The following MTUS2 variants were observed in gnomAD, a reference collection of about 807,000 sequenced individuals.
MTUS2 encodes microtubule associated scaffold protein 2, also known as microtubule-associated tumor suppressor candidate 2.
In MTUS2, 40 loss-of-function variants were observed where a neutral mutation model predicts 114.1. That is an observed-to-expected ratio of 0.35 (90% CI 0.27 to 0.46). MTUS2 has a LOEUF of 0.46. MTUS2 is among the 20% of genes least tolerant of loss of function. The pLI is 1.00. For synonymous variants in MTUS2, 688 were observed against 672.0 expected, an observed-to-expected ratio of 1.02 and a Z score of -0.37; for missense variants, 1,679 against 1,705.4, an observed-to-expected ratio of 0.98 and a Z score of 0.27.
At chr13:29,267,807 A>G (rs1897723393) in intron 5 of MTUS2, among the ~76,000 whole-genome samples, 1 of 152,144 alleles carries the variant, frequency 6.6e-6, no homozygotes, top group African/African-American at 2.4e-5. Context: ...GTGGGGAGAA[A>G]GGACATCCAG....
At chr13:29,054,824 C>T (rs1485354503) in intron 4 of MTUS2, among the ~76,000 whole-genome samples, 5 of 152,052 alleles carry the variant, frequency 3.3e-5, no homozygotes, top group Non-Finnish European at 1.5e-5. Flanking sequence ...TCTCTCATGA[C>T]ATATTTGGCC....
At chr13:29,373,034 A>G (rs560362691) in intron 8 of MTUS2, among the ~76,000 whole-genome samples, 17 of 152,354 alleles carry the variant, frequency 1.1e-4, no homozygotes, top group Non-Finnish European at 2.1e-4. Context: ...TCTTTCCAGT[A>G]TTCTCTGACT....
chr13:29,120,038 A>G (rs1891241907), intron 5 of MTUS2, among the ~76,000 whole-genome samples: 1 of 152,198 alleles, frequency 6.6e-6, no homozygotes, highest in Non-Finnish European at 1.5e-5. Flanking sequence ...AATATCCAAC[A>G]AACTTATGAT....
intron 2 of MTUS2, among the ~76,000 whole-genome samples, chr13:28,888,688 C>A (rs1398042666): frequency 6.6e-6 from 1 of 152,100 alleles, no homozygotes; most frequent in Non-Finnish European, 1.5e-5. Flanking sequence ...TCCCAAAGTG[C>A]TGGGATTACA....
chr13:29,144,776 C>T (rs1892363116), intron 5 of MTUS2, among the ~76,000 whole-genome samples: 1 of 152,066 alleles, frequency 6.6e-6, no homozygotes, highest in Non-Finnish European at 1.5e-5. Context: ...AGTGATAGCC[C>T]ATCATCTTTG....
At chr13:29,210,489 T>C (rs971645622) in intron 5 of MTUS2, among the ~76,000 whole-genome samples, 1 of 152,022 alleles carries the variant, frequency 6.6e-6, no homozygotes, top group African/African-American at 2.4e-5. Flanking sequence ...CTTTTGGGAG[T>C]GTTAAAAAAT....
intron 4 of MTUS2, among the ~76,000 whole-genome samples, chr13:29,066,684 C>G (rs1888680916): frequency 6.6e-6 from 1 of 152,210 alleles, no homozygotes; most frequent in African/African-American, 2.4e-5. Context: ...CAGTGATTTT[C>G]TGAGGACCTA....
At chr13:28,896,939 C>T (rs1290986251) in intron 2 of MTUS2, among the ~76,000 whole-genome samples, 1 of 152,086 alleles carries the variant, frequency 6.6e-6, no homozygotes, top group Non-Finnish European at 1.5e-5. Context: ...GACCTGAAAC[C>T]ATAAAAACCC....
At chr13:29,379,280 C>T (rs1322266087) in intron 8 of MTUS2, among the ~76,000 whole-genome samples, 6 of 152,138 alleles carry the variant, frequency 3.9e-5, no homozygotes, top group Non-Finnish European at 7.3e-5. Flanking sequence ...GTGGCAGAGC[C>T]AAGGCTGCTG....
intron 5 of MTUS2, among the ~76,000 whole-genome samples, chr13:29,103,220 C>T (rs6490352): frequency 0.67 from 102,246 of 152,072 alleles, 35,069 homozygotes; most frequent in Non-Finnish European, 0.74. Context: ...TGCTTAATGA[C>T]GGGGATATGT....
intron 2 of MTUS2, among the ~76,000 whole-genome samples, chr13:29,005,035 G>A (rs1223559870): frequency 6.6e-6 from 1 of 152,206 alleles, no homozygotes; most frequent in African/African-American, 2.4e-5. Flanking sequence ...TGCCTGCCAT[G>A]GTGCAGCCAA....
At chr13:28,874,885 C>T (rs914094070) in intron 2 of MTUS2, among the ~76,000 whole-genome samples, 1 of 152,084 alleles carries the variant, frequency 6.6e-6, no homozygotes, top group Non-Finnish European at 1.5e-5. Flanking sequence ...AAGTAGATTC[C>T]CTCTAAGAGG....
chr13:29,372,109 A>G (rs2138306916), intron 8 of MTUS2, among the ~76,000 whole-genome samples: 1 of 151,366 alleles, frequency 6.6e-6, no homozygotes. Context: ...CCTTAAATTT[A>G]TAGAAATTTT....
intron 6 of MTUS2, 112 bp from the exon 7 acceptor site, chr13:29,324,498 TTTC>T: frequency 1.4e-6 from 1 of 696,500 alleles, no homozygotes; most frequent in East Asian, 2.7e-5. Context: ...CACCCAAATA[TTTC>T]TTTTGTTGAT....
intron 2 of MTUS2, among the ~76,000 whole-genome samples, chr13:28,940,381 T>C (rs1039658072): frequency 3.9e-5 from 6 of 152,206 alleles, no homozygotes; most frequent in Non-Finnish European, 7.3e-5. Context: ...ACATATTGTA[T>C]AATTCCATTT....
intron 6 of MTUS2, among the ~76,000 whole-genome samples, chr13:29,291,560 C>A (rs1368655003): frequency 6.6e-6 from 1 of 152,216 alleles, no homozygotes; most frequent in Non-Finnish European, 1.5e-5. Flanking sequence ...TGTCCAGCAA[C>A]CCCTGGTGGC....
intron 5 of MTUS2, among the ~76,000 whole-genome samples, chr13:29,212,478 C>G (rs7995580): frequency 6.6e-6 from 1 of 152,130 alleles, no homozygotes; most frequent in African/African-American, 2.4e-5. Flanking sequence ...ACAGACCATA[C>G]AGGTTAAGGG....
intron 5 of MTUS2, among the ~76,000 whole-genome samples, chr13:29,195,793 C>T (rs1189770206): frequency 6.6e-6 from 1 of 152,062 alleles, no homozygotes; most frequent in Non-Finnish European, 1.5e-5. Flanking sequence ...AAGCAAAAAC[C>T]AGTGTGATGT....
chr13:28,878,108 G>C (rs1030021099), intron 2 of MTUS2, among the ~76,000 whole-genome samples: 29 of 152,018 alleles, frequency 1.9e-4, no homozygotes, highest in Admixed American at 1.4e-3. Context: ...TGATGTGTAT[G>C]AAGATCAAAC....
Sources: gnomAD v4.1 joint callset for allele counts (sites outside exome capture counted in the v4.1 genomes callset) on GRCh38, gnomAD v4.1.1 for gene constraint, MANE v1.5 for transcripts, NCBI Gene and HGNC (gene_info 2026-07-23, HGNC 2026-07-21) for gene names.